RBFOX1: variants seen among roughly 807,000 people sequenced by gnomAD.
The protein encoded by RBFOX1 is RNA binding protein fox-1 homolog 1.
A neutral mutation model predicts 57.7 loss-of-function variants in RBFOX1; 8 were observed. The observed-to-expected ratio is 0.14, with a 90% CI of 0.08 to 0.25. The LOEUF (loss-of-function observed/expected upper bound fraction) is 0.25, where lower values mean the gene tolerates loss of function less well. RBFOX1 is among the 10% of genes least tolerant of loss of function. The pLI is 1.00. For missense variants in RBFOX1, 611 were observed against 548.5 expected (o/e 1.11, Z -1.14); for synonymous variants, 326 against 222.4 (o/e 1.47, Z -4.15).
At chr16:7,085,825 C>G (rs1242754201) in intron 4 of RBFOX1, among the ~76,000 whole-genome samples, 1 of 152,130 alleles carries the variant, frequency 6.6e-6, no homozygotes, top group Non-Finnish European at 1.5e-5. Flanking sequence ...CTGGTTTGTT[C>G]AGATGGTCCT....
chr16:6,616,693 C>T (rs1466920381), intron 2 of RBFOX1, among the ~76,000 whole-genome samples: 3 of 152,124 alleles, frequency 2.0e-5, no homozygotes, highest in Non-Finnish European at 4.4e-5. Flanking sequence ...CCTCTGCCTC[C>T]CAAAGTTCTG....
At chr16:7,116,925 T>C (rs905682334) in intron 4 of RBFOX1, among the ~76,000 whole-genome samples, 3 of 152,002 alleles carry the variant, frequency 2.0e-5, no homozygotes, top group African/African-American at 7.3e-5. Context: ...AAGTTTGGGG[T>C]TCTTTGGGAG....
chr16:6,450,861 A>ACC (rs1597420058), intron 2 of RBFOX1, among the ~76,000 whole-genome samples: 1 of 91,970 alleles, frequency 1.1e-5, no homozygotes, highest in Non-Finnish European at 2.2e-5. Flanking sequence ...ATATATATAT[A>ACC]TATATATATA....
At chr16:7,025,149 G>A (rs2040508382) in intron 3 of RBFOX1, among the ~76,000 whole-genome samples, 2 of 152,208 alleles carry the variant, frequency 1.3e-5, no homozygotes, top group Admixed American at 6.5e-5. Flanking sequence ...GAACAGCCCT[G>A]AAGGCTGCTG....
intron 2 of RBFOX1, among the ~76,000 whole-genome samples, chr16:5,564,023 T>C (rs2045977280): frequency 6.6e-6 from 1 of 152,122 alleles, no homozygotes; most frequent in Admixed American, 6.5e-5. Context: ...TAAAAAATTT[T>C]TTTATTTTTA....
chr16:5,454,845 CT>C (rs201097346), intron 1 of RBFOX1, among the ~76,000 whole-genome samples: 1 of 77,994 alleles, frequency 1.3e-5, no homozygotes. Context: ...TCTTTCCTTT[CT>C]TTCTTTCTTT....
chr16:7,073,714 T>C (rs77907844), intron 4 of RBFOX1, among the ~76,000 whole-genome samples: 2 of 151,716 alleles, frequency 1.3e-5, no homozygotes, highest in Non-Finnish European at 2.9e-5. Flanking sequence ...CAAAAAAAAA[T>C]TACACAGGAA....
chr16:5,486,091 C>T (rs1338999415), intron 2 of RBFOX1, among the ~76,000 whole-genome samples: 2 of 152,312 alleles, frequency 1.3e-5, no homozygotes, highest in East Asian at 3.9e-4. Flanking sequence ...TGAAGCACTT[C>T]TCTGAGAACT....
intron 3 of RBFOX1, among the ~76,000 whole-genome samples, chr16:7,001,653 C>T (rs189299863): frequency 3.3e-5 from 5 of 152,060 alleles, no homozygotes; most frequent in South Asian, 2.1e-4. Flanking sequence ...GACAGGGTTT[C>T]ACCATGTTGG....
At chr16:7,080,682 C>T (rs945491828) in intron 4 of RBFOX1, among the ~76,000 whole-genome samples, 4 of 152,124 alleles carry the variant, frequency 2.6e-5, no homozygotes, top group African/African-American at 9.7e-5. Context: ...GGATTGGCTG[C>T]CATATGAACC....
chr16:5,955,365 A>G (rs76648188), intron 4 of RBFOX1, among the ~76,000 whole-genome samples: 14,349 of 39,080 alleles, frequency 0.37, 1,988 homozygotes, highest in African/African-American at 0.47. Flanking sequence ...TAAAAATAAA[A>G]TAAAATAAAA....
intron 11 of RBFOX1, 108 bp downstream of exon 11, chr16:7,630,791 TGGC>T: frequency 2.0e-6 from 3 of 1,516,124 alleles, no homozygotes; most frequent in Non-Finnish European, 2.6e-6. Context: ...CCCTCTCTTG[TGGC>T]TCTCTCTGAG....
intron 4 of RBFOX1, among the ~76,000 whole-genome samples, chr16:7,334,860 C>A (rs961035521): frequency 5.9e-5 from 9 of 152,176 alleles, no homozygotes; most frequent in Non-Finnish European, 2.9e-5. Flanking sequence ...ACTTGTAAAT[C>A]TTAGCCTGAT....
At chr16:6,434,336 T>C (rs2094177773) in intron 2 of RBFOX1, among the ~76,000 whole-genome samples, 1 of 152,168 alleles carries the variant, frequency 6.6e-6, no homozygotes, top group Admixed American at 6.5e-5. Flanking sequence ...ACATCTCCAA[T>C]GGCCAAGGCT....
chr16:5,922,487 G>T (rs2058846222), intron 4 of RBFOX1, among the ~76,000 whole-genome samples: 1 of 152,164 alleles, frequency 6.6e-6, no homozygotes, highest in Admixed American at 6.5e-5. Context: ...GGAAGTTCCT[G>T]CCCAGCTCAG....
chr16:5,868,382 C>G (rs116586090), intron 4 of RBFOX1, among the ~76,000 whole-genome samples: 4 of 152,280 alleles, frequency 2.6e-5, no homozygotes, highest in African/African-American at 9.6e-5. Flanking sequence ...AAATTGCAAC[C>G]TCAGGCATAA....
chr16:5,559,165 CAAA>C (rs35531242), intron 2 of RBFOX1, among the ~76,000 whole-genome samples: 22,932 of 62,658 alleles, frequency 0.37, 1,281 homozygotes, highest in South Asian at 0.45. Context: ...CCCCCCCAGG[CAAA>C]AAAAAAAAAA....
intron 2 of RBFOX1, among the ~76,000 whole-genome samples, chr16:6,488,430 C>G (rs965813846): frequency 1.3e-5 from 2 of 152,214 alleles, no homozygotes; most frequent in East Asian, 3.9e-4. Flanking sequence ...TTCCCGGGCA[C>G]TTACTGACTC....
At chr16:6,907,944 A>G (rs904729425) in intron 3 of RBFOX1, among the ~76,000 whole-genome samples, 1 of 151,502 alleles carries the variant, frequency 6.6e-6, no homozygotes, top group Non-Finnish European at 1.5e-5. Context: ...CTCCACCTGC[A>G]TGTTTACATA....
Sources: allele counts gnomAD v4.1 joint callset (sites outside exome capture counted in the v4.1 genomes callset), GRCh38; gene constraint gnomAD v4.1.1; transcripts MANE v1.5; gene names NCBI Gene and HGNC (gene_info 2026-07-23, HGNC 2026-07-21).